The following CACNB4 variants were observed in gnomAD, a reference collection of about 807,000 sequenced individuals.
CACNB4 encodes calcium voltage-gated channel auxiliary subunit beta 4.
In CACNB4, 32 loss-of-function variants were observed where a neutral mutation model predicts 71.2. That is an observed-to-expected ratio of 0.45 (90% CI 0.34 to 0.60). The LOEUF (loss-of-function observed/expected upper bound fraction) is 0.60, where lower values mean the gene tolerates loss of function less well. Among genes scored for constraint, CACNB4 ranks in the 20% least tolerant of loss-of-function variants. CACNB4 has a pLI of 0.01. For missense variants in CACNB4, 464 were observed against 647.9 expected (o/e 0.72, Z 3.08); for synonymous variants, 231 against 236.9 (o/e 0.97, Z 0.23).
intron 2 of CACNB4, among the ~76,000 whole-genome samples, chr2:151,902,592 C>A (rs2099853752): frequency 1.3e-5 from 2 of 151,930 alleles, no homozygotes; most frequent in African/African-American, 2.4e-5. Flanking sequence ...AATGAGGAGC[C>A]TATGATTAAT....
chr2:152,088,140 A>AACACACAC (rs55688548), intron 2 of CACNB4, among the ~76,000 whole-genome samples: 4,504 of 136,902 alleles, frequency 0.033, 182 homozygotes, highest in African/African-American at 0.079. Flanking sequence ...TTCCCCACTT[A>AACACACAC]ACACACACAC....
chr2:152,058,910 T>G (rs1274557618), intron 2 of CACNB4, among the ~76,000 whole-genome samples: 1 of 152,250 alleles, frequency 6.6e-6, no homozygotes, highest in East Asian at 1.9e-4. Context: ...TGGTGCCTTT[T>G]GTCCCAGTCA....
At chr2:152,075,099 T>C (rs1686937349) in intron 2 of CACNB4, among the ~76,000 whole-genome samples, 2 of 152,220 alleles carry the variant, frequency 1.3e-5, no homozygotes. Flanking sequence ...TGCTTTTAAA[T>C]AGAATAATTT....
At chr2:151,999,386 T>TC (rs1162218351) in intron 2 of CACNB4, among the ~76,000 whole-genome samples, 1 of 151,598 alleles carries the variant, frequency 6.6e-6, no homozygotes, top group Non-Finnish European at 1.5e-5. Flanking sequence ...GTTTTTTTTT[T>TC]TTCTTCTTAT....
In CACNB4 at chr2:151,987,334, C is replaced by A. The variant is rs143700592; in HGVS notation, c.148-103964G>T. Among the ~76,000 whole-genome samples the A allele has an allele frequency of 9.9e-5, 15 of 152,228 alleles. No homozygotes were observed. In the East Asian group the frequency reaches 2.9e-3, roughly 29 times the overall value. ...ACTCCCGTAGCTCAGTGGGGGGCAGCACTACAATCTCTGGGCTTGGTTGAG... is the reference window on the plus strand; with the variant it reads ...ACTCCCGTAGCTCAGTGGGGGGCAGAACTACAATCTCTGGGCTTGGTTGAG... On this transcript the variant is annotated intron_variant, in intron 2 of 13. Coordinates refer to ENST00000539935, the MANE Select transcript of CACNB4 (RefSeq NM_000726.5).
At chr2:151,922,175 A>G (rs949315781) in intron 2 of CACNB4, among the ~76,000 whole-genome samples, 2 of 152,078 alleles carry the variant, frequency 1.3e-5, no homozygotes, top group African/African-American at 2.4e-5. Context: ...TCCCCATCTC[A>G]AGGTCAACTG....
intron 12 of CACNB4, among the ~76,000 whole-genome samples, chr2:151,847,099 C>CAAAAAAAAAAAAA (rs397766580): frequency 5.0e-5 from 4 of 79,772 alleles, no homozygotes; most frequent in Non-Finnish European, 7.9e-5. Flanking sequence ...AAACTGACAC[C>CAAAAAAAAAAAAA]AAAAAAAAAA....
At chr2:151,886,679 TTTG>T (rs1475101107) in intron 2 of CACNB4, among the ~76,000 whole-genome samples, 14 of 152,196 alleles carry the variant, frequency 9.2e-5, no homozygotes, top group Non-Finnish European at 1.8e-4. Context: ...CAACATTTAC[TTTG>T]TTGTTGTTTT....
intron 2 of CACNB4, among the ~76,000 whole-genome samples, chr2:152,061,100 G>A (rs1454552065): frequency 6.6e-6 from 1 of 152,122 alleles, no homozygotes; most frequent in African/African-American, 2.4e-5. Flanking sequence ...TTGAGGCCAG[G>A]AGTTTGAGAC....
chr2:152,063,615 T>C (rs965822914), intron 2 of CACNB4, among the ~76,000 whole-genome samples: 5 of 152,204 alleles, frequency 3.3e-5, no homozygotes, highest in Non-Finnish European at 4.4e-5. Context: ...TTCTGCATAT[T>C]ACATAATTTC....
chr2:151,987,915 C>T (rs1341043248), intron 2 of CACNB4, among the ~76,000 whole-genome samples: 1 of 152,184 alleles, frequency 6.6e-6, no homozygotes, highest in East Asian at 1.9e-4. Context: ...TATGCATCTG[C>T]ATGAATTTGC....
At chr2:151,855,736 GA>G (rs776941784) in intron 10 of CACNB4, among the ~76,000 whole-genome samples, 1 of 152,130 alleles carries the variant, frequency 6.6e-6, no homozygotes, top group Non-Finnish European at 1.5e-5. Flanking sequence ...GAAAACAACT[GA>G]AATATATGTG....
intron 13 of CACNB4, among the ~76,000 whole-genome samples, chr2:151,841,253 T>G (rs2151318071): frequency 6.6e-6 from 1 of 152,288 alleles, no homozygotes; most frequent in East Asian, 1.9e-4. Context: ...TTAGCTATTG[T>G]GTAATCCTTA....
chr2:151,938,664 C>A (rs1247650882), intron 2 of CACNB4, among the ~76,000 whole-genome samples: 4 of 152,128 alleles, frequency 2.6e-5, no homozygotes, highest in African/African-American at 9.7e-5. Context: ...TTTAAAAAAC[C>A]AATGAGTCAT....
intron 12 of CACNB4, among the ~76,000 whole-genome samples, chr2:151,847,456 TAATTATAAAA>T (rs1201458398): frequency 2.6e-4 from 40 of 152,352 alleles, no homozygotes; most frequent in African/African-American, 9.1e-4. Flanking sequence ...CATGTAATGC[TAATTATAAAA>T]ATAATCAACC....
At chr2:152,082,598 C>T (rs953852215) in intron 2 of CACNB4, among the ~76,000 whole-genome samples, 4 of 152,274 alleles carry the variant, frequency 2.6e-5, no homozygotes, top group East Asian at 1.9e-4. Flanking sequence ...AATATTAGAA[C>T]GTGATGGAAT....
chr2:152,079,354 C>G (rs1687217610), intron 2 of CACNB4, among the ~76,000 whole-genome samples: 3 of 152,096 alleles, frequency 2.0e-5, no homozygotes, highest in Admixed American at 2.0e-4. Context: ...TCCCAAAGTG[C>G]TGGGATTACA....
At chr2:151,864,804 A>G (rs985078332) in intron 9 of CACNB4, among the ~76,000 whole-genome samples, 1 of 152,224 alleles carries the variant, frequency 6.6e-6, no homozygotes, top group Admixed American at 6.5e-5. Flanking sequence ...ATAATTATTC[A>G]TAGTGTCCTC....
At chr2:151,981,748 T>G (rs2099874762) in intron 2 of CACNB4, among the ~76,000 whole-genome samples, 1 of 152,068 alleles carries the variant, frequency 6.6e-6, no homozygotes, top group Non-Finnish European at 1.5e-5. Context: ...TAGTTAAAGT[T>G]TAATAACTAC....
Sources: allele counts gnomAD v4.1 joint callset (sites outside exome capture counted in the v4.1 genomes callset), GRCh38; gene constraint gnomAD v4.1.1; transcripts MANE v1.5; gene names NCBI Gene and HGNC (gene_info 2026-07-23, HGNC 2026-07-21).